The following SENP7 variants were observed in gnomAD, a reference collection of about 807,000 sequenced individuals.
SENP7 encodes SUMO specific peptidase 7.
A neutral mutation model predicts 141.2 loss-of-function variants in SENP7; 64 were observed. That is an observed-to-expected ratio of 0.45 (90% CI 0.37 to 0.56). SENP7 has a LOEUF of 0.56. Ranked by LOEUF, SENP7 falls within the 20% of genes least tolerant of loss-of-function variation. The pLI, the probability that SENP7 is intolerant of heterozygous loss-of-function variation, is 0.00. For synonymous variants in SENP7, 382 were observed against 426.4 expected (o/e 0.90, Z 1.28); for missense variants, 1,025 against 1,212.2 (o/e 0.85, Z 2.29).
chr3:101,454,635 C>CTGCTCCT (rs1368649994), intron 4 of SENP7, among the ~76,000 whole-genome samples: 1 of 151,996 alleles, frequency 6.6e-6, no homozygotes, highest in Non-Finnish European at 1.5e-5. Flanking sequence ...CATAAAAATC[C>CTGCTCCT]AACTGGTGAA....
chr3:101,469,486 T>C (rs1456488316), intron 3 of SENP7, among the ~76,000 whole-genome samples: 1 of 149,798 alleles, frequency 6.7e-6, no homozygotes, highest in Admixed American at 6.8e-5. Context: ...ATTCTAAAAT[T>C]GACCACATAA....
In SENP7 at chr3:101,348,067, GACA is replaced by G. The variant is rs1166589689; in HGVS notation, c.1658-19_1658-17del. On this transcript the variant is annotated splice_polypyrimidine_tract_variant and intron_variant, in intron 12 of 23. Coordinates refer to ENST00000394095, the MANE Select transcript of SENP7 (RefSeq NM_020654.5). ...TTCAGGGACACTGAAACAAATAAAAGACAACAATTTAAAAAATTAATCCATTTA... is the reference window on the plus strand; with the variant it reads ...TTCAGGGACACTGAAACAAATAAAAGACAATTTAAAAAATTAATCCATTTA... The G allele has an allele frequency of 1.3e-6, 2 of 1,534,360 alleles. No individual in the cohort carries two copies. Among genetic ancestry groups the G allele is most frequent in the East Asian group, 2.3e-5 (1 of 42,790 alleles).
intron 5 of SENP7, among the ~76,000 whole-genome samples, chr3:101,399,512 T>C (rs532324653): frequency 2.0e-5 from 3 of 152,362 alleles, no homozygotes; most frequent in East Asian, 3.9e-4. Flanking sequence ...CAAGACATCA[T>C]TCAGATTGCA....
intron 6 of SENP7, among the ~76,000 whole-genome samples, chr3:101,376,637 G>T (rs574360145): frequency 1.8e-4 from 27 of 152,000 alleles, no homozygotes; most frequent in Non-Finnish European, 4.0e-4. Context: ...ACTGTTGTGG[G>T]GTGGGGGGAG....
At chr3:101,368,247 AT>A (rs2060088901) in intron 7 of SENP7, among the ~76,000 whole-genome samples, 1 of 152,112 alleles carries the variant, frequency 6.6e-6, no homozygotes, top group Non-Finnish European at 1.5e-5. Context: ...AGAAAAATAT[AT>A]AAAGAAGAAA....
intron 17 of SENP7, among the ~76,000 whole-genome samples, chr3:101,335,282 A>G (rs922171009): frequency 1.3e-5 from 2 of 152,148 alleles, no homozygotes; most frequent in Non-Finnish European, 2.9e-5. Flanking sequence ...ATCTTTCAGG[A>G]TCTCATAAAG....
intron 4 of SENP7, among the ~76,000 whole-genome samples, chr3:101,444,862 T>C (rs1488563934): frequency 6.6e-6 from 1 of 151,828 alleles, no homozygotes; most frequent in East Asian, 1.9e-4. Flanking sequence ...CTGCACATTG[T>C]GCACATGTAC....
intron 3 of SENP7, among the ~76,000 whole-genome samples, chr3:101,466,974 C>T (rs907849113): frequency 6.6e-6 from 1 of 152,152 alleles, no homozygotes; most frequent in Non-Finnish European, 1.5e-5. Flanking sequence ...GGGACAGTCC[C>T]GCCCAAATAC....
intron 3 of SENP7, among the ~76,000 whole-genome samples, chr3:101,472,365 G>A (rs975076170): frequency 5.9e-5 from 9 of 152,144 alleles, no homozygotes; most frequent in African/African-American, 2.2e-4. Flanking sequence ...CATGGATGAA[G>A]CTGGAAACCA....
chr3:101,341,366 A>G (rs1198474577), intron 15 of SENP7, among the ~76,000 whole-genome samples: 1 of 152,244 alleles, frequency 6.6e-6, no homozygotes, highest in African/African-American at 2.4e-5. Context: ...AAAATCATAC[A>G]TTGCTACTCA....
intron 6 of SENP7, among the ~76,000 whole-genome samples, chr3:101,391,712 G>A (rs1348206263): frequency 6.6e-6 from 1 of 152,086 alleles, no homozygotes; most frequent in East Asian, 1.9e-4. Context: ...AACTTAAGAG[G>A]AGGAAATTTT....
chr3:101,359,829 T>A (rs1446842503), intron 11 of SENP7, among the ~76,000 whole-genome samples: 1 of 152,226 alleles, frequency 6.6e-6, no homozygotes, highest in Non-Finnish European at 1.5e-5. Flanking sequence ...GTTTGTAATA[T>A]TGTTCCTTTA....
At chr3:101,383,532 G>A (rs2107508572) in intron 6 of SENP7, among the ~76,000 whole-genome samples, 1 of 152,270 alleles carries the variant, frequency 6.6e-6, no homozygotes, top group Non-Finnish European at 1.5e-5. Context: ...AGGCCCCCAT[G>A]CCCCCGCACA....
chr3:101,410,286 G>C lies in SENP7; in HGVS notation c.482+7307C>G, dbSNP rs768089719. Among the ~76,000 whole-genome samples, 18 of 152,198 alleles carry C rather than the reference G, an allele frequency of 1.2e-4. No homozygotes were observed. In the East Asian group the frequency reaches 3.5e-3, roughly 29 times the overall value. On this transcript the variant is annotated intron_variant, in intron 5 of 23. Transcript: ENST00000394095. ...CCATAATCAAAAAATAGTAGATGTT[G>C]GCATGGATGTGATGAAAAGGGAACT...
At chr3:101,372,184 C>A (rs1227203342) in intron 6 of SENP7, 58 bp from the exon 7 acceptor site, 3 of 828,690 alleles carry the variant, frequency 3.6e-6, no homozygotes, top group Non-Finnish European at 5.4e-6. Context: ...AATTTAGAAG[C>A]CAACTAGCAT....
At chr3:101,478,085 C>CA (rs927002128) in intron 3 of SENP7, among the ~76,000 whole-genome samples, 3 of 151,928 alleles carry the variant, frequency 2.0e-5, no homozygotes, top group Non-Finnish European at 4.4e-5. Flanking sequence ...AAAAGATTAT[C>CA]AGAGACTACT....
intron 3 of SENP7, among the ~76,000 whole-genome samples, chr3:101,480,897 G>C (rs1231437285): frequency 6.7e-6 from 1 of 149,982 alleles, no homozygotes; most frequent in East Asian, 1.9e-4. Context: ...AACCACTAGG[G>C]AAATGTAAAT....
intron 12 of SENP7, among the ~76,000 whole-genome samples, chr3:101,349,386 G>A (rs973167046): frequency 5.3e-5 from 8 of 152,018 alleles, no homozygotes; most frequent in African/African-American, 1.9e-4. Context: ...AATTGTTCTT[G>A]GTGTTTAGAA....
intron 15 of SENP7, among the ~76,000 whole-genome samples, chr3:101,340,867 A>G (rs539873645): frequency 1.3e-4 from 20 of 152,246 alleles, no homozygotes; most frequent in Non-Finnish European, 2.5e-4. Context: ...CTTAAAGCTT[A>G]GAAATAAGAC....
Sources: allele counts gnomAD v4.1 joint callset (sites outside exome capture counted in the v4.1 genomes callset), GRCh38; gene constraint gnomAD v4.1.1; transcripts MANE v1.5; gene names NCBI Gene and HGNC (gene_info 2026-07-23, HGNC 2026-07-21).